Variants in VPS13D observed in about 807,000 individuals in gnomAD.
VPS13D encodes the protein intermembrane lipid transfer protein VPS13D.
VPS13D carries 187 observed loss-of-function variants against 461.9 expected under a neutral mutation model. The ratio of observed to expected loss-of-function variants is 0.40; its 90% CI spans 0.36 to 0.46. The LOEUF (loss-of-function observed/expected upper bound fraction) is 0.46. Among genes scored for constraint, VPS13D ranks in the 20% least tolerant of loss-of-function variants. The pLI, the probability that VPS13D is intolerant of heterozygous loss-of-function variation, is 0.60. For missense variants in VPS13D, 4,711 were observed against 5,364.9 expected, an observed-to-expected ratio of 0.88 and a Z score of 3.81; for synonymous variants, 1,951 against 1,986.3, an observed-to-expected ratio of 0.98 and a Z score of 0.47.
Position 12,361,404 on chromosome 1 carries a change from T to A in VPS13D, c.10142-1316T>A, listed in dbSNP as rs866678743. On this transcript the variant is annotated intron_variant, in intron 50 of 69. Coordinates refer to ENST00000620676, the MANE Select transcript of VPS13D (RefSeq NM_015378.4). ...ATTTATTTATTTATTTATTTATTTA[T>A]TTTTTTTTTGAGACGGAGTCTCGCT... 5.7e-4 allele frequency among the ~76,000 whole-genome samples: 73 copies of A among 127,414 alleles called. 1 individual carries two copies. The highest frequency in any genetic ancestry group is 7.8e-4 in the Non-Finnish European group (48 of 61,630). 83.6% of individuals were successfully genotyped at this position (127,414 alleles called of 152,430 possible). A position where few individuals can be genotyped will look rare whatever the true frequency, so the allele number is the denominator to read the frequency against.
chr1:12,279,915 A>C lies in VPS13D; in HGVS notation c.4602+265A>C, dbSNP rs1641726845. Among the ~76,000 whole-genome samples the C allele has an allele frequency of 6.6e-6, 1 of 152,096 alleles. No individual in the cohort carries two copies. The highest frequency in any genetic ancestry group is 6.5e-5 in the Admixed American group (1 of 15,284). On this transcript the variant is annotated intron_variant, in intron 20 of 69. Coordinates refer to ENST00000620676, the MANE Select transcript of VPS13D (RefSeq NM_015378.4). This position sits in a 1 kb window ranked among gnomAD's most constrained non-coding sequence, Gnocchi z 4.3. ...GATTCTTAATTCCATTGACATTCAGAAATGGGGAAATGATTGCTTACAAAG... is the reference window on the plus strand; with the variant it reads ...GATTCTTAATTCCATTGACATTCAGCAATGGGGAAATGATTGCTTACAAAG...
chr1:12,241,913 T>G (rs972166983), intron 2 of VPS13D, among the ~76,000 whole-genome samples: 1 of 152,132 alleles, frequency 6.6e-6, no homozygotes, highest in Admixed American at 6.5e-5. Context: ...AGGTAGTTGG[T>G]CTGCGGGTGG....
chr1:12,370,774 G>A (rs990517749), intron 54 of VPS13D, among the ~76,000 whole-genome samples: 3 of 152,204 alleles, frequency 2.0e-5, no homozygotes, highest in African/African-American at 7.2e-5. Context: ...AAATCTGGTT[G>A]TTAGTCATGT....
chr1:12,295,025 C>T (rs1569835072), intron 24 of VPS13D, among the ~76,000 whole-genome samples: 1 of 152,014 alleles, frequency 6.6e-6, no homozygotes, highest in African/African-American at 2.4e-5. Flanking sequence ...AATTCGTGAC[C>T]AGCCTGGGCA....
intron 60 of VPS13D, among the ~76,000 whole-genome samples, chr1:12,397,496 T>C (rs1644515482): frequency 6.6e-6 from 1 of 152,218 alleles, no homozygotes; most frequent in Non-Finnish European, 1.5e-5. Context: ...TCGAGCCCTT[T>C]ATTGCCATTT....
At chr1:12,294,142 T>G (rs1642208523) in intron 24 of VPS13D, among the ~76,000 whole-genome samples, 1 of 152,224 alleles carries the variant, frequency 6.6e-6, no homozygotes, top group East Asian at 1.9e-4. Context: ...GTTTACAAAG[T>G]AAGTCAGTCT....
intron 50 of VPS13D, among the ~76,000 whole-genome samples, chr1:12,361,369 A>ATTTT (rs1172153769): frequency 7.1e-6 from 1 of 141,842 alleles, no homozygotes; most frequent in African/African-American, 2.7e-5. Flanking sequence ...TTTTATTTTT[A>ATTTT]TTTTTATTTA....
intron 21 of VPS13D, among the ~76,000 whole-genome samples, chr1:12,286,621 A>T (rs1641983245): frequency 1.3e-5 from 2 of 152,278 alleles, no homozygotes; most frequent in South Asian, 4.1e-4. Context: ...TTAGCTCTAG[A>T]GACCCCATCA....
rs771569323 is a variant in VPS13D, at chr1:12,386,364, A to C, written c.11634+30A>C. On this transcript the variant is annotated intron_variant, in intron 60 of 69. Coordinates refer to ENST00000620676, the MANE Select transcript of VPS13D (RefSeq NM_015378.4). ...GGGGGAAGTTCCAAAGCTGTTAGTC[A>C]CCTTGTTTTCATGCTGATCACCCAA... 8 of 1,560,676 alleles carry C rather than the reference A, an allele frequency of 5.1e-6. No individual in the cohort carries two copies. The South Asian group carries it at 8.4e-5, about 16-fold the overall frequency.
intron 55 of VPS13D, among the ~76,000 whole-genome samples, chr1:12,377,775 G>A (rs914424627): frequency 7.3e-6 from 1 of 137,596 alleles, no homozygotes; most frequent in East Asian, 2.1e-4. Flanking sequence ...AGCCGAGATC[G>A]CACTATTTCA....
intron 2 of VPS13D, among the ~76,000 whole-genome samples, chr1:12,241,221 G>A (rs1276027172): frequency 6.6e-6 from 1 of 152,184 alleles, no homozygotes; most frequent in Admixed American, 6.5e-5. Context: ...GGGATTACAG[G>A]GGTGAGCTGC....
intron 65 of VPS13D, among the ~76,000 whole-genome samples, chr1:12,453,347 A>C (rs1054846108): frequency 1.3e-5 from 2 of 152,108 alleles, no homozygotes; most frequent in Admixed American, 6.5e-5. Flanking sequence ...ACTTTACCCT[A>C]TCTGTCTTCC....
chr1:12,298,776 T>C (rs1642344810), intron 24 of VPS13D, among the ~76,000 whole-genome samples: 2 of 152,342 alleles, frequency 1.3e-5, no homozygotes, highest in Non-Finnish European at 2.9e-5. Flanking sequence ...CTACTTCAGA[T>C]TTAATTTACT....
At position 12,277,071 on chromosome 1, in the gene VPS13D, A is replaced by G. The variant is rs761540063; in HGVS notation, c.3483A>G (p.Glu1161=). ...REQGTYQSTY[E]QNTEVAVEIH... is the part of the protein sequence containing the mutation. ...AAGGAACTTACCAGTCTACATATGAACAAAACACTGAGGTTGCAGTGGAAA... is the reference window on the plus strand; with the variant it reads ...AAGGAACTTACCAGTCTACATATGAGCAAAACACTGAGGTTGCAGTGGAAA... Residue 1161 remains glutamate (E), a synonymous_variant, in exon 19 of 70, where the codon GAA becomes GAG. Transcript: ENST00000620676. The G allele has an allele frequency of 3.7e-6, 6 of 1,614,066 alleles. No individual in the cohort carries two copies. The African/African-American group carries it at 6.7e-5, about 18-fold the overall frequency.
At chr1:12,278,937 C>T (rs1356754443) in intron 19 of VPS13D, among the ~76,000 whole-genome samples, 5 of 152,176 alleles carry the variant, frequency 3.3e-5, no homozygotes, top group Admixed American at 3.3e-4. Flanking sequence ...TAGAGCACGC[C>T]TTTATTTATT....
At chr1:12,430,798 C>T (rs1329557613) in intron 65 of VPS13D, among the ~76,000 whole-genome samples, 2 of 152,144 alleles carry the variant, frequency 1.3e-5, no homozygotes, top group East Asian at 1.9e-4. Context: ...ATAGTCTCAG[C>T]GGGTCATGCA....
intron 68 of VPS13D, among the ~76,000 whole-genome samples, chr1:12,500,845 T>C (rs1008130864): frequency 2.0e-5 from 3 of 150,646 alleles, no homozygotes; most frequent in Admixed American, 1.3e-4. Flanking sequence ...GGAGGATCGC[T>C]TGAGGCCGGG....
intron 6 of VPS13D, chr1:12,249,567 A>G (rs1640668560): frequency 2.7e-6 from 1 of 368,882 alleles, no homozygotes. Context: ...TTATACATGA[A>G]GAAACTGAGG....
intron 65 of VPS13D, among the ~76,000 whole-genome samples, chr1:12,441,628 C>T (rs989339809): frequency 7.9e-5 from 12 of 152,270 alleles, no homozygotes; most frequent in African/African-American, 1.9e-4. Flanking sequence ...GTGGCAGGAA[C>T]GATAAAAGTA....
Sources: allele counts gnomAD v4.1 joint callset (sites outside exome capture counted in the v4.1 genomes callset), GRCh38; gene constraint gnomAD v4.1.1; non-coding constraint Gnocchi (gnomAD v3.1); transcripts MANE v1.5; gene names NCBI Gene and HGNC (gene_info 2026-07-23, HGNC 2026-07-21).